Variants in NR1D2 observed in about 807,000 individuals in gnomAD.
NR1D2 encodes nuclear receptor subfamily 1 group D member 2, also known as V-erbA-related protein 1-related.
In NR1D2, 25 loss-of-function variants were observed where a neutral mutation model predicts 52.2. The observed-to-expected ratio is 0.48, with a 90% confidence interval of 0.35 to 0.67. The LOEUF (loss-of-function observed/expected upper bound fraction) is 0.67, where lower values mean the gene tolerates loss of function less well. NR1D2 is among the 30% of genes least tolerant of loss of function. The probability of loss-of-function intolerance (pLI) is 0.01; values close to 1 mark genes in which losing one functional copy is unlikely to be tolerated. For missense variants in NR1D2, 681 were observed against 707.2 expected (o/e 0.96, Z 0.42); for synonymous variants, 259 against 230.1 (o/e 1.13, Z -1.14).
At chr3:23,973,422 ATAAG>A (rs1706642139) in intron 7 of NR1D2, among the ~76,000 whole-genome samples, 1 of 152,236 alleles carries the variant, frequency 6.6e-6, no homozygotes, top group South Asian at 2.1e-4. Flanking sequence ...TTGTAACACA[ATAAG>A]TATTTGTGTA....
At chr3:23,973,643 T>C (rs972165249) in intron 7 of NR1D2, among the ~76,000 whole-genome samples, 1 of 152,168 alleles carries the variant, frequency 6.6e-6, no homozygotes, top group African/African-American at 2.4e-5. Context: ...ACACGTACGG[T>C]ACACTAAATT....
intron 4 of NR1D2, 46 bp downstream of exon 4, chr3:23,959,861 G>C: frequency 3.2e-6 from 5 of 1,552,246 alleles, no homozygotes; most frequent in Non-Finnish European, 3.5e-6. Context: ...ATGGAGCTTG[G>C]CTTTTATTCC....
chr3:23,970,255 G>A (rs1050148347), intron 7 of NR1D2, among the ~76,000 whole-genome samples: 4 of 152,146 alleles, frequency 2.6e-5, no homozygotes, highest in Non-Finnish European at 5.9e-5. Context: ...AATTAAGGCA[G>A]GTGAGATGAA....
At chr3:23,965,361 C>T (rs565356305) in intron 6 of NR1D2, among the ~76,000 whole-genome samples, 199 bp downstream of exon 6, 19 of 149,912 alleles carry the variant, frequency 1.3e-4, no homozygotes, top group Non-Finnish European at 2.4e-4. Flanking sequence ...GCTTCAGCCT[C>T]CTGAGTAGCT....
intron 7 of NR1D2, among the ~76,000 whole-genome samples, chr3:23,973,988 A>G (rs1248620221): frequency 1.3e-5 from 2 of 151,118 alleles, no homozygotes; most frequent in Non-Finnish European, 2.9e-5. Flanking sequence ...AGTAACATGC[A>G]TGAGCTGTCA....
At position 23,962,362 on chromosome 3, in the gene NR1D2, C is replaced by G; in HGVS notation, c.903C>G (p.Cys301Trp). 1 of 1,614,058 alleles carries G rather than the reference C, an allele frequency of 6.2e-7. No individual in the cohort carries two copies. The highest frequency in any genetic ancestry group is 8.5e-7 in the Non-Finnish European group (1 of 1,179,992). ...AATATAATTTAAATCATGATCATTG[C>G]GGCAATGGGCTTAGCAGCCATTTTC... ...MEQYNLNHDH[C>W]GNGLSSHFPC... The change falls in exon 5 of 8, where the codon TGC becomes TGG. Residue 301 changes from cysteine to tryptophan, a missense_variant. Physicochemically the swap from Cys to Trp is radical, Grantham distance 215. Transcript: ENST00000312521.
intron 1 of NR1D2, among the ~76,000 whole-genome samples, chr3:23,945,944 A>AGGC (rs1302905218): frequency 2.7e-4 from 40 of 149,826 alleles, no homozygotes; most frequent in East Asian, 1.2e-3. Flanking sequence ...ATGGGCGCTG[A>AGGC]GGCGGCGGCG....
chr3:23,975,939 G>C (rs1387827274), intron 7 of NR1D2, among the ~76,000 whole-genome samples: 1 of 152,112 alleles, frequency 6.6e-6, no homozygotes, highest in African/African-American at 2.4e-5. Flanking sequence ...AAAAACGAAA[G>C]GGCATGAATG....
chr3:23,965,099 TC>T lies in NR1D2; in HGVS notation c.1271del (p.Pro424LeufsTer15). ...AAGTGGTGGAATTTGCAAAGCGTATTCCTGGGTTCAGAGATCTCTCTCAGCA... is the reference window on the plus strand; with the variant it reads ...AAGTGGTGGAATTTGCAAAGCGTATTCTGGGTTCAGAGATCTCTCTCAGCA... Reference protein sequence around the residue: ...KEVVEFAKRIPGFRDLSQHDQ... With the variant: ...KEVVEFAKRIXGFRDLSQHDQ... On this transcript the variant is annotated frameshift_variant, in exon 6 of 8. Transcript: ENST00000312521. LOFTEE classifies it high-confidence loss of function. 4 of 1,614,180 alleles carry T rather than the reference TC, an allele frequency of 2.5e-6. No individual in the cohort carries two copies. The highest frequency in any genetic ancestry group is 3.4e-6 in the Non-Finnish European group (4 of 1,180,024).
intron 7 of NR1D2, among the ~76,000 whole-genome samples, chr3:23,975,392 G>A (rs2125299618): frequency 6.6e-6 from 1 of 151,390 alleles, no homozygotes; most frequent in African/African-American, 2.4e-5. Flanking sequence ...CCAAAGTGCT[G>A]GAATTCCAGG....
intron 1 of NR1D2, among the ~76,000 whole-genome samples, chr3:23,950,623 A>G (rs1056627889): frequency 2.0e-5 from 3 of 152,208 alleles, no homozygotes; most frequent in African/African-American, 4.8e-5. Context: ...CTAAATCAAT[A>G]TTGAAGGTCT....
intron 1 of NR1D2, among the ~76,000 whole-genome samples, chr3:23,952,723 C>T (rs935820741): frequency 2.9e-4 from 39 of 135,050 alleles, no homozygotes; most frequent in African/African-American, 1.2e-3. Context: ...GAGACTCCAT[C>T]TCAAAAAAAA....
At chr3:23,952,263 G>C (rs1244033193) in intron 1 of NR1D2, among the ~76,000 whole-genome samples, 3 of 152,218 alleles carry the variant, frequency 2.0e-5, no homozygotes, top group African/African-American at 7.2e-5. Context: ...CATATGGACA[G>C]TGGGTTTAAC....
At chr3:23,954,299 G>A (rs970342692) in intron 1 of NR1D2, among the ~76,000 whole-genome samples, 3 of 152,218 alleles carry the variant, frequency 2.0e-5, no homozygotes, top group African/African-American at 7.2e-5. Flanking sequence ...GCATGAGCCA[G>A]TGTGCCGGGC....
intron 6 of NR1D2, among the ~76,000 whole-genome samples, chr3:23,966,351 A>G (rs1261090472): frequency 6.6e-6 from 1 of 152,270 alleles, no homozygotes; most frequent in Non-Finnish European, 1.5e-5. Flanking sequence ...TGGTGCTTAG[A>G]ACACTTACTG....
intron 7 of NR1D2, 110 bp downstream of exon 7, chr3:23,968,133 A>G (rs867718477): frequency 1.5e-4 from 117 of 781,724 alleles, no homozygotes; most frequent in Middle Eastern, 8.6e-4. Context: ...ATAAGGCCTT[A>G]AGGAAGATGC....
At chr3:23,961,615 C>G (rs1447654578) in intron 4 of NR1D2, among the ~76,000 whole-genome samples, 1 of 151,838 alleles carries the variant, frequency 6.6e-6, no homozygotes, top group Non-Finnish European at 1.5e-5. Flanking sequence ...AGTCTGGTTT[C>G]GAATTCCTGA....
rs1705735110 is a variant in NR1D2 at position 23,946,750 on chromosome 3, T to A, written c.16+1156T>A. On this transcript the variant is annotated intron_variant, in intron 1 of 7. Coordinates refer to ENST00000312521, the MANE Select transcript of NR1D2 (RefSeq NM_005126.5). The stretch of plus-strand genomic sequence containing the variant: ...GTGGGTCGCTGACTTTTCCTGAATC[T>A]GATCAAGAGAATTTGGCTTTATAAA... 2.6e-5 allele frequency among the ~76,000 whole-genome samples: 4 copies of A among 152,244 alleles called. No homozygotes were observed. The South Asian group carries it at 8.3e-4, about 31-fold the overall frequency.
Position 23,980,615 on chromosome 3 carries a change from C to T in NR1D2, c.*3196C>T, listed in dbSNP as rs887871768. On this transcript the variant is annotated 3_prime_UTR_variant, in exon 8 of 8. Coordinates refer to ENST00000312521, the MANE Select transcript of NR1D2 (RefSeq NM_005126.5). ...GGAGGGGATAATAAATATTTCTAAC[C>T]AACTGTGGTGTTTGGTGTCTAATCT... The T allele has an allele frequency of 1.3e-5, 2 of 151,882 alleles. No individual in the cohort carries two copies. The highest frequency in any genetic ancestry group is 1.5e-5 in the Non-Finnish European group (1 of 67,964). 9.4% of individuals were successfully genotyped at this position (151,882 alleles called of 1,614,324 possible).
Sources: allele counts gnomAD v4.1 joint callset (sites outside exome capture counted in the v4.1 genomes callset), GRCh38; gene constraint gnomAD v4.1.1; transcripts MANE v1.5; gene names NCBI Gene and HGNC (gene_info 2026-07-23, HGNC 2026-07-21).